DCC: variants seen among roughly 807,000 people sequenced by gnomAD.
DCC encodes netrin receptor DCC.
In DCC, 58 loss-of-function variants were observed where a neutral mutation model predicts 172.5. That is an observed-to-expected ratio of 0.34 (90% confidence interval 0.27 to 0.42). The LOEUF (loss-of-function observed/expected upper bound fraction) is 0.42, where lower values mean the gene tolerates loss of function less well. Among genes scored for constraint, DCC ranks in the 10% least tolerant of loss-of-function variants. The pLI is 1.00. For synonymous variants in DCC, 709 were observed against 644.5 expected (o/e 1.10, Z -1.52); for missense variants, 1,740 against 1,791.0 (o/e 0.97, Z 0.51).
chr18:53,104,912 C>A, intron 7 of DCC, among the ~76,000 whole-genome samples: 1 of 152,000 alleles, frequency 6.6e-6, no homozygotes, highest in Non-Finnish European at 1.5e-5. Context: ...AATTCAATTT[C>A]ACCCTTAACA....
At chr18:52,509,329 G>C (rs1038526519) in intron 1 of DCC, among the ~76,000 whole-genome samples, 1 of 152,114 alleles carries the variant, frequency 6.6e-6, no homozygotes, top group Non-Finnish European at 1.5e-5. Flanking sequence ...AAATAGGTTA[G>C]TGAAAATATT....
chr18:52,652,097 C>G (rs2035143188), intron 1 of DCC, among the ~76,000 whole-genome samples: 1 of 152,212 alleles, frequency 6.6e-6, no homozygotes, highest in African/African-American at 2.4e-5. Context: ...GAGACAAGAA[C>G]TAGGCGGTCT....
chr18:53,100,719 G>A (rs1162674403), intron 7 of DCC, among the ~76,000 whole-genome samples: 3 of 152,172 alleles, frequency 2.0e-5, no homozygotes. Flanking sequence ...CTCGGGGATC[G>A]GATGTCTAGT....
intron 13 of DCC, among the ~76,000 whole-genome samples, chr18:53,320,649 C>T (rs941408657): frequency 6.6e-6 from 1 of 152,168 alleles, no homozygotes; most frequent in Non-Finnish European, 1.5e-5. Flanking sequence ...TTGGAAGCAT[C>T]TCTTTGCCAT....
At chr18:52,483,619 T>C (rs1886471434) in intron 1 of DCC, among the ~76,000 whole-genome samples, 1 of 152,098 alleles carries the variant, frequency 6.6e-6, no homozygotes, top group Non-Finnish European at 1.5e-5. Context: ...TCAGACCCTT[T>C]TTATGTGATC....
chr18:52,514,572 A>G (rs975112864), intron 1 of DCC, among the ~76,000 whole-genome samples: 3 of 152,356 alleles, frequency 2.0e-5, no homozygotes, highest in Non-Finnish European at 4.4e-5. Flanking sequence ...TTTTATTTGT[A>G]TGCATGAGAC....
chr18:53,385,622 TC>T (rs2144993999), intron 15 of DCC, among the ~76,000 whole-genome samples: 1 of 152,338 alleles, frequency 6.6e-6, no homozygotes, highest in East Asian at 1.9e-4. Flanking sequence ...TGCTGTGCTT[TC>T]CAGCATTAGC....
intron 15 of DCC, among the ~76,000 whole-genome samples, chr18:53,369,681 A>C (rs1017805807): frequency 6.6e-6 from 1 of 151,868 alleles, no homozygotes. Context: ...TTTCTACTGA[A>C]AGGGTGTTGA....
intron 1 of DCC, among the ~76,000 whole-genome samples, chr18:52,530,555 C>T (rs562447076): frequency 6.6e-6 from 1 of 152,174 alleles, no homozygotes; most frequent in African/African-American, 2.4e-5. Flanking sequence ...GTAAATGGTA[C>T]ATAGGAGGTG....
chr18:53,197,422 T>TTTG (rs1267067689), intron 9 of DCC, among the ~76,000 whole-genome samples: 3 of 147,124 alleles, frequency 2.0e-5, no homozygotes, highest in Non-Finnish European at 4.5e-5. Flanking sequence ...TATTTTAGTT[T>TTTG]TTTTTTTTTT....
At chr18:52,879,916 T>C (rs2039458746) in intron 2 of DCC, among the ~76,000 whole-genome samples, 1 of 152,156 alleles carries the variant, frequency 6.6e-6, no homozygotes. Flanking sequence ...ATAGTAGGTG[T>C]ATATATTTAT....
chr18:53,500,471 T>C (rs2046083256), intron 27 of DCC, among the ~76,000 whole-genome samples: 1 of 152,142 alleles, frequency 6.6e-6, no homozygotes, highest in African/African-American at 2.4e-5. Flanking sequence ...CTAACTTTTC[T>C]GTTACTCAGA....
intron 1 of DCC, among the ~76,000 whole-genome samples, chr18:52,626,381 C>CT (rs2034573705): frequency 1.3e-5 from 2 of 152,170 alleles, no homozygotes; most frequent in African/African-American, 4.8e-5. Flanking sequence ...CTATTTTATG[C>CT]CTAGCCTGAC....
intron 25 of DCC, among the ~76,000 whole-genome samples, chr18:53,480,226 A>C (rs1599199010): frequency 6.6e-6 from 1 of 152,184 alleles, no homozygotes; most frequent in South Asian, 2.1e-4. Context: ...CAGGGGTCTT[A>C]AAGTTTCCTT....
At position 53,064,850 on chromosome 18, in the gene DCC, G is replaced by A. The variant is rs183108185; in HGVS notation, c.1141-1196G>A. Among the ~76,000 whole-genome samples, 213 of 152,120 alleles carry A rather than the reference G, an allele frequency of 1.4e-3. 1 individual carries two copies. The highest frequency in any genetic ancestry group is 4.2e-3 in the African/African-American group (176 of 41,504). The stretch of plus-strand genomic sequence containing the variant: ...GGGCACTTTAAAAAGTGTTGTATAC[G>A]CCTAAAATATATGCTACTTACACTT... On this transcript the variant is annotated intron_variant, in intron 6 of 28. Coordinates refer to ENST00000442544, the MANE Select transcript of DCC (RefSeq NM_005215.4).
chr18:53,275,299 A>G (rs2056792414), intron 12 of DCC, among the ~76,000 whole-genome samples: 1 of 152,102 alleles, frequency 6.6e-6, no homozygotes, highest in South Asian at 2.1e-4. Flanking sequence ...GATAAAAATC[A>G]TTGTACAAAA....
intron 1 of DCC, among the ~76,000 whole-genome samples, chr18:52,693,014 G>A (rs192132013): frequency 2.0e-5 from 3 of 152,054 alleles, no homozygotes; most frequent in South Asian, 2.1e-4. Context: ...CCTTGTTCAC[G>A]TGACTTTCCC....
intron 15 of DCC, among the ~76,000 whole-genome samples, chr18:53,345,499 T>A (rs1359056456): frequency 6.6e-6 from 1 of 152,166 alleles, no homozygotes; most frequent in Non-Finnish European, 1.5e-5. Flanking sequence ...AGTCATGATT[T>A]TTTTTAAGAC....
At chr18:53,462,267 G>T (rs540763766) in intron 24 of DCC, among the ~76,000 whole-genome samples, 1 of 152,018 alleles carries the variant, frequency 6.6e-6, no homozygotes, top group Admixed American at 6.6e-5. Flanking sequence ...GGTGAGCAAC[G>T]GGCAAAAGAG....
Sources: allele counts gnomAD v4.1 joint callset (sites outside exome capture counted in the v4.1 genomes callset), GRCh38; gene constraint gnomAD v4.1.1; transcripts MANE v1.5; gene names NCBI Gene and HGNC (gene_info 2026-07-23, HGNC 2026-07-21).